SLC25A48: variants seen among roughly 807,000 people sequenced by gnomAD.
SLC25A48 encodes the protein CTC-321K16.1.
In SLC25A48, 29 loss-of-function variants were observed where a neutral mutation model predicts 32.2. That is an observed-to-expected ratio of 0.90 (90% CI 0.67 to 1.23). SLC25A48 has a LOEUF of 1.23. Ranked by LOEUF, SLC25A48 falls within the 50% of genes most tolerant of loss-of-function variation. SLC25A48 has a pLI of 0.00. For synonymous variants in SLC25A48, 164 were observed against 172.3 expected, an observed-to-expected ratio of 0.95 and a Z score of 0.38; for missense variants, 399 against 422.7, an observed-to-expected ratio of 0.94 and a Z score of 0.49.
chr5:135,796,369 G>C (rs936958388), intron 3 of SLC25A48, among the ~76,000 whole-genome samples: 1 of 151,472 alleles, frequency 6.6e-6, no homozygotes, highest in Non-Finnish European at 1.5e-5. Flanking sequence ...GTAGGGGAGA[G>C]TGTGATATCA....
At chr5:135,741,002 A>T (rs979816059) in intron 3 of SLC25A48, among the ~76,000 whole-genome samples, 2 of 152,234 alleles carry the variant, frequency 1.3e-5, no homozygotes, top group Non-Finnish European at 2.9e-5. Flanking sequence ...CCAGTTAGTG[A>T]AATAAAGTAA....
chr5:135,651,495 T>G (rs1481992111), intron 3 of SLC25A48, among the ~76,000 whole-genome samples: 1 of 152,186 alleles, frequency 6.6e-6, no homozygotes, highest in Admixed American at 6.5e-5. Context: ...TCATTAGTTT[T>G]TTCTCATCCA....
intron 3 of SLC25A48, among the ~76,000 whole-genome samples, chr5:135,682,437 G>A (rs773699699): frequency 1.3e-5 from 2 of 152,146 alleles, no homozygotes; most frequent in Non-Finnish European, 2.9e-5. Context: ...GTATAAGTGT[G>A]CATGCATGTG....
intron 3 of SLC25A48, among the ~76,000 whole-genome samples, chr5:135,795,525 AT>A: frequency 6.6e-6 from 1 of 151,822 alleles, no homozygotes; most frequent in East Asian, 1.9e-4. Flanking sequence ...GAGGAAAGAG[AT>A]TGATATTACG....
chr5:135,787,994 G>A (rs1249434865), intron 3 of SLC25A48, among the ~76,000 whole-genome samples: 6 of 151,976 alleles, frequency 3.9e-5, no homozygotes, highest in Non-Finnish European at 8.8e-5. Context: ...TACTCCAAAT[G>A]TCACAGGGGT....
At chr5:135,655,949 C>T (rs1218926093) in intron 3 of SLC25A48, among the ~76,000 whole-genome samples, 1 of 152,038 alleles carries the variant, frequency 6.6e-6, no homozygotes, top group Non-Finnish European at 1.5e-5. Flanking sequence ...ATCATTATTC[C>T]CCACTGACAT....
intron 3 of SLC25A48, among the ~76,000 whole-genome samples, chr5:135,738,954 C>T (rs1049435540): frequency 2.0e-5 from 3 of 152,118 alleles, no homozygotes; most frequent in South Asian, 2.1e-4. Context: ...TGGTGGCACA[C>T]GCCTGTAATC....
chr5:135,791,363 G>A (rs1232037336), intron 3 of SLC25A48, among the ~76,000 whole-genome samples: 2 of 151,806 alleles, frequency 1.3e-5, no homozygotes, highest in African/African-American at 2.4e-5. Context: ...ATTCTAGGAT[G>A]ATGTTACTCC....
At chr5:135,833,603 G>A (rs1458138711), upstream of SLC25A48, among the ~76,000 whole-genome samples, 1 of 152,160 alleles carries the variant, frequency 6.6e-6, no homozygotes, top group African/African-American at 2.4e-5. Context: ...GCCGGGATGG[G>A]GTGTGATGCT....
intron 3 of SLC25A48, among the ~76,000 whole-genome samples, chr5:135,811,270 A>G (rs1246588985): frequency 1.3e-5 from 2 of 152,216 alleles, no homozygotes; most frequent in Non-Finnish European, 2.9e-5. Flanking sequence ...GTCATTTGTG[A>G]CATGGATGAG....
intron 2 of SLC25A48, among the ~76,000 whole-genome samples, chr5:135,843,847 A>G (rs1418399382): frequency 6.6e-6 from 1 of 152,144 alleles, no homozygotes; most frequent in Admixed American, 6.5e-5. Flanking sequence ...AGGCCAAGGG[A>G]GAATGGGATT....
At chr5:135,721,488 C>T (rs1365371280) in intron 3 of SLC25A48, among the ~76,000 whole-genome samples, 1 of 152,074 alleles carries the variant, frequency 6.6e-6, no homozygotes, top group Non-Finnish European at 1.5e-5. Flanking sequence ...CAGGTGTGAA[C>T]CACCGCACCC....
chr5:135,649,344 AC>A (rs1455803591), intron 3 of SLC25A48: 1 of 152,142 alleles, frequency 6.6e-6, no homozygotes, highest in Non-Finnish European at 1.5e-5. Context: ...CATGAGGGGG[AC>A]ATGAGTCTAT....
intron 3 of SLC25A48, among the ~76,000 whole-genome samples, chr5:135,798,195 A>G (rs151302638): frequency 1.5e-4 from 23 of 151,876 alleles, no homozygotes; most frequent in African/African-American, 5.6e-4. Flanking sequence ...ATTGTTCCTA[A>G]TATCTAGGGT....
chr5:135,650,575 A>ACAG (rs386405039), intron 3 of SLC25A48: 4 of 356,122 alleles, frequency 1.1e-5, no homozygotes, highest in African/African-American at 2.2e-5. Flanking sequence ...AAAAACAACA[A>ACAG]CAGAACTCTT....
chr5:135,866,716 A>G (rs1403216318), intron 4 of SLC25A48, among the ~76,000 whole-genome samples: 2 of 152,250 alleles, frequency 1.3e-5, no homozygotes, highest in African/African-American at 2.4e-5. Context: ...CCAGATAGCC[A>G]TGGCCTGTGG....
intron 6 of SLC25A48, chr5:135,874,603 T>G (rs1761908772): frequency 6.0e-6 from 4 of 665,140 alleles, no homozygotes; most frequent in Non-Finnish European, 1.1e-5. Flanking sequence ...CCAGGCCCTG[T>G]GAACTGCCTT....
chr5:135,644,162 G>GA (rs1752904827), intron 3 of SLC25A48, among the ~76,000 whole-genome samples: 1 of 151,986 alleles, frequency 6.6e-6, no homozygotes, highest in Admixed American at 6.6e-5. Flanking sequence ...AAGACAAATG[G>GA]AATTTCAGCA....
intron 3 of SLC25A48, among the ~76,000 whole-genome samples, chr5:135,655,347 C>G (rs1753217494): frequency 1.3e-5 from 2 of 152,164 alleles, no homozygotes; most frequent in African/African-American, 2.4e-5. Context: ...CTTCTGTGCT[C>G]CCTGTCTCAA....
Sources: gnomAD v4.1 joint callset for allele counts (sites outside exome capture counted in the v4.1 genomes callset) on GRCh38, gnomAD v4.1.1 for gene constraint, MANE v1.5 for transcripts, NCBI Gene and HGNC (gene_info 2026-07-23, HGNC 2026-07-21) for gene names.